The following NRXN3 variants were observed in gnomAD, a reference collection of about 807,000 sequenced individuals.
The protein encoded by NRXN3 is neurexin 3, also known as neurexin III.
Under a neutral mutation model 137.6 loss-of-function variants are expected in NRXN3, and 32 were observed. The observed-to-expected ratio is 0.23, with a 90% CI of 0.18 to 0.31. NRXN3 has a LOEUF of 0.31. Ranked by LOEUF, NRXN3 falls within the 10% of genes least tolerant of loss-of-function variation. NRXN3 has a pLI of 1.00. For synonymous variants in NRXN3, 798 were observed against 784.5 expected (o/e 1.02, Z -0.29); for missense variants, 1,574 against 2,062.5 (o/e 0.76, Z 4.59).
At chr14:78,993,495 G>A (rs999950422) in intron 15 of NRXN3, among the ~76,000 whole-genome samples, 12 of 152,070 alleles carry the variant, frequency 7.9e-5, no homozygotes, top group Admixed American at 2.0e-4. Context: ...TTCATTCCCC[G>A]CCATTGTTTT....
intron 4 of NRXN3, among the ~76,000 whole-genome samples, chr14:78,485,480 A>G (rs890023312): frequency 5.9e-5 from 9 of 152,214 alleles, no homozygotes; most frequent in African/African-American, 2.2e-4. Context: ...CAAGCACTGT[A>G]GAATAAACAG....
At chr14:78,605,380 C>G (rs1265570213) in intron 4 of NRXN3, among the ~76,000 whole-genome samples, 1 of 152,076 alleles carries the variant, frequency 6.6e-6, no homozygotes, top group African/African-American at 2.4e-5. Flanking sequence ...TGACTCTGCC[C>G]TATAAAAGGA....
intron 19 of NRXN3, among the ~76,000 whole-genome samples, chr14:79,742,967 A>G (rs1365276789): frequency 6.6e-6 from 1 of 152,156 alleles, no homozygotes; most frequent in Admixed American, 6.6e-5. Flanking sequence ...CTGCCCTATA[A>G]TAAAATAAGC....
rs892758027 is a variant in NRXN3 at position 79,731,260 on chromosome 14, G to A, written c.4014+33323G>A. 2.6e-5 allele frequency among the ~76,000 whole-genome samples: 4 copies of A among 152,076 alleles called. No homozygotes were observed. The East Asian group carries it at 5.8e-4, about 22-fold the overall frequency. ...TGCCGAAGTGCCCATTGGCTACCACGGAGATAACTTCATAAATTGTTAAAC... is the reference window on the plus strand; with the variant it reads ...TGCCGAAGTGCCCATTGGCTACCACAGAGATAACTTCATAAATTGTTAAAC... On this transcript the variant is annotated intron_variant, in intron 19 of 20. Transcript: ENST00000335750.
chr14:78,254,883 A>C (rs993165455), intron 2 of NRXN3, among the ~76,000 whole-genome samples: 21 of 152,086 alleles, frequency 1.4e-4, no homozygotes, highest in African/African-American at 4.8e-4. Context: ...ACATGACATG[A>C]AGCAGTATTG....
At chr14:79,424,743 A>G (rs2095629072) in intron 15 of NRXN3, among the ~76,000 whole-genome samples, 1 of 152,152 alleles carries the variant, frequency 6.6e-6, no homozygotes, top group Non-Finnish European at 1.5e-5. Flanking sequence ...TTTCTTTACA[A>G]AGGGGTATGT....
chr14:79,214,612 C>T (rs1014171260), intron 15 of NRXN3, among the ~76,000 whole-genome samples: 1 of 152,152 alleles, frequency 6.6e-6, no homozygotes, highest in African/African-American at 2.4e-5. Flanking sequence ...TCAATTAAAA[C>T]AAATTAGAAA....
At chr14:79,200,714 AAG>A (rs2065854061) in intron 15 of NRXN3, among the ~76,000 whole-genome samples, 1 of 152,162 alleles carries the variant, frequency 6.6e-6, no homozygotes, top group African/African-American at 2.4e-5. Flanking sequence ...CTCTTGAAGA[AAG>A]AGATTTCACA....
intron 16 of NRXN3, chr14:79,661,606 A>C (rs2098534124): frequency 6.6e-6 from 1 of 152,158 alleles, no homozygotes; most frequent in Admixed American, 6.5e-5. Context: ...TAGGTGCTTA[A>C]TAAATTTTGT....
chr14:79,321,861 C>G (rs1197909418), intron 15 of NRXN3, among the ~76,000 whole-genome samples: 1 of 148,306 alleles, frequency 6.7e-6, no homozygotes, highest in East Asian at 2.0e-4. Flanking sequence ...TATATATAAA[C>G]TATATATAAA....
chr14:79,136,008 C>T (rs1383373362), intron 15 of NRXN3, among the ~76,000 whole-genome samples: 1 of 152,164 alleles, frequency 6.6e-6, no homozygotes, highest in Non-Finnish European at 1.5e-5. Context: ...ATCTGATTGA[C>T]TTTGTCTTTC....
At chr14:78,778,092 T>C (rs1567282458) in intron 8 of NRXN3, among the ~76,000 whole-genome samples, 6 of 152,134 alleles carry the variant, frequency 3.9e-5, no homozygotes. Flanking sequence ...CAAAGACATG[T>C]GAAGAGAATA....
At chr14:79,758,226 A>G (rs938049475) in intron 19 of NRXN3, among the ~76,000 whole-genome samples, 3 of 152,104 alleles carry the variant, frequency 2.0e-5, no homozygotes, top group African/African-American at 4.8e-5. Flanking sequence ...TTGCGTTGCT[A>G]TAAAGAAACA....
chr14:79,062,990 G>C (rs954954083), intron 15 of NRXN3, among the ~76,000 whole-genome samples: 2 of 152,138 alleles, frequency 1.3e-5, no homozygotes, highest in African/African-American at 4.8e-5. Flanking sequence ...TTGAGAAAGG[G>C]GGGGAGGAGT....
intron 15 of NRXN3, among the ~76,000 whole-genome samples, chr14:79,420,509 G>C (rs151029115): frequency 6.6e-6 from 1 of 152,248 alleles, no homozygotes; most frequent in Non-Finnish European, 1.5e-5. Flanking sequence ...GCCCCAAAAA[G>C]TAGCTCAAAT....
intron 10 of NRXN3, among the ~76,000 whole-genome samples, chr14:78,919,263 G>A (rs1280523728): frequency 6.6e-6 from 1 of 152,104 alleles, no homozygotes; most frequent in Non-Finnish European, 1.5e-5. Flanking sequence ...ACCTGAGTAT[G>A]GTGTTGCTTT....
intron 15 of NRXN3, among the ~76,000 whole-genome samples, chr14:79,127,421 A>G (rs923019320): frequency 6.6e-6 from 1 of 152,196 alleles, no homozygotes. Context: ...AGCACCATTT[A>G]TTAAACAGGG....
intron 15 of NRXN3, among the ~76,000 whole-genome samples, chr14:79,150,359 T>G (rs2059687502): frequency 6.6e-6 from 1 of 151,870 alleles, no homozygotes. Context: ...CCACCTCTCT[T>G]CCCCACCACC....
At chr14:78,896,714 C>T (rs2099176403) in intron 10 of NRXN3, among the ~76,000 whole-genome samples, 1 of 151,608 alleles carries the variant, frequency 6.6e-6, no homozygotes, top group South Asian at 2.1e-4. Context: ...TGGAAGCCAC[C>T]TAAAGGAAGA....
Sources: gnomAD v4.1 joint callset for allele counts (sites outside exome capture counted in the v4.1 genomes callset) on GRCh38, gnomAD v4.1.1 for gene constraint, MANE v1.5 for transcripts, NCBI Gene and HGNC (gene_info 2026-07-23, HGNC 2026-07-21) for gene names.